Variants in CCDC3 observed in about 807,000 individuals in gnomAD.
The protein encoded by CCDC3 is coiled-coil domain-containing protein 3.
CCDC3 carries 24 observed loss-of-function variants against 21.4 expected under a neutral mutation model. The ratio of observed to expected loss-of-function variants is 1.12; its 90% CI spans 0.81 to 1.58. The LOEUF is 1.58. Ranked by LOEUF, CCDC3 falls within the 40% of genes most tolerant of loss-of-function variation. The pLI, the probability that CCDC3 is intolerant of heterozygous loss-of-function variation, is 0.00. For missense variants in CCDC3, 425 were observed against 360.9 expected (o/e 1.18, Z -1.44); for synonymous variants, 186 against 166.0 (o/e 1.12, Z -0.93).
intron 2 of CCDC3, among the ~76,000 whole-genome samples, chr10:12,913,371 C>G (rs2131206490): frequency 6.6e-6 from 1 of 152,246 alleles, no homozygotes; most frequent in African/African-American, 2.4e-5. Flanking sequence ...TTATTGATTT[C>G]TTTTCCAGAT....
chr10:12,999,419 AAAAG>A (rs1835813188), intron 1 of CCDC3, among the ~76,000 whole-genome samples: 1 of 152,228 alleles, frequency 6.6e-6, no homozygotes, highest in Non-Finnish European at 1.5e-5. Context: ...AAATGTCACA[AAAAG>A]AAAGAGATGA....
At chr10:12,918,746 C>T (rs1165836919) in intron 2 of CCDC3, among the ~76,000 whole-genome samples, 3 of 152,002 alleles carry the variant, frequency 2.0e-5, no homozygotes, top group African/African-American at 4.8e-5. Context: ...CATACATTAT[C>T]GAGTAGAAAA....
intron 5 of CCDC3, among the ~76,000 whole-genome samples, chr10:13,027,616 C>T (rs183665080): frequency 4.0e-5 from 6 of 150,504 alleles, no homozygotes; most frequent in Non-Finnish European, 7.4e-5. Flanking sequence ...GAGGCTGAGG[C>T]GGGAGGATTG....
chr10:12,968,995 T>A (rs925210919), intron 2 of CCDC3, among the ~76,000 whole-genome samples: 70 of 152,164 alleles, frequency 4.6e-4, no homozygotes, highest in African/African-American at 1.5e-3. Flanking sequence ...AGTACATCCT[T>A]ACCTATCAAT....
intron 2 of CCDC3, among the ~76,000 whole-genome samples, chr10:12,906,418 GTTTCC>G (rs1404620516): frequency 5.3e-4 from 80 of 152,320 alleles, no homozygotes; most frequent in Non-Finnish European, 2.1e-4. Context: ...TGGGGCAGGA[GTTTCC>G]TTTCCATGAG....
intron 2 of CCDC3, among the ~76,000 whole-genome samples, chr10:12,900,839 G>A (rs1263509926): frequency 6.6e-6 from 1 of 152,128 alleles, no homozygotes; most frequent in Admixed American, 6.5e-5. Flanking sequence ...GAGACCTTGG[G>A]CAAGCTTCCT....
intron 5 of CCDC3, among the ~76,000 whole-genome samples, chr10:13,014,694 T>C (rs1564320566): frequency 6.6e-6 from 1 of 152,028 alleles, no homozygotes. Context: ...GAGTATCCTA[T>C]AGCGGTTTGT....
chr10:13,075,852 C>G (rs1195635046), intron 3 of CCDC3, among the ~76,000 whole-genome samples: 1 of 152,044 alleles, frequency 6.6e-6, no homozygotes, highest in Non-Finnish European at 1.5e-5. Flanking sequence ...AGTTTGAGAC[C>G]AGCCTGGCCA....
intron 4 of CCDC3, among the ~76,000 whole-genome samples, chr10:13,056,764 G>A (rs1471494127): frequency 3.3e-5 from 5 of 152,200 alleles, no homozygotes; most frequent in Non-Finnish European, 7.3e-5. Flanking sequence ...ATTTTCATCG[G>A]TTTGGTAACC....
intron 2 of CCDC3, among the ~76,000 whole-genome samples, chr10:12,955,441 C>A (rs1835068512): frequency 6.6e-6 from 1 of 152,220 alleles, no homozygotes; most frequent in South Asian, 2.1e-4. Context: ...CATTTCCAGG[C>A]CTGCCCACAG....
At chr10:12,957,589 C>T (rs943078083) in intron 2 of CCDC3, among the ~76,000 whole-genome samples, 1 of 152,196 alleles carries the variant, frequency 6.6e-6, no homozygotes, top group Non-Finnish European at 1.5e-5. Context: ...GGATTTTTCA[C>T]AAATGGCTTC....
intron 2 of CCDC3, among the ~76,000 whole-genome samples, chr10:12,996,950 T>A (rs1184777079): frequency 6.6e-6 from 1 of 151,934 alleles, no homozygotes; most frequent in African/African-American, 2.4e-5. Context: ...AGGGTGAGGA[T>A]GGAAAAACTA....
chr10:13,081,700 A>T (rs556630218), intron 3 of CCDC3, among the ~76,000 whole-genome samples: 320 of 152,360 alleles, frequency 2.1e-3, no homozygotes, highest in African/African-American at 7.1e-3. Context: ...CAATGACAAG[A>T]CCAAAGTCTC....
intron 4 of CCDC3, among the ~76,000 whole-genome samples, chr10:13,060,396 C>T (rs1836741109): frequency 6.6e-6 from 1 of 152,052 alleles, no homozygotes; most frequent in South Asian, 2.1e-4. Flanking sequence ...GGGATGTGGG[C>T]TGGAGAGGAG....
At chr10:12,927,504 T>C (rs578006626) in intron 2 of CCDC3, among the ~76,000 whole-genome samples, 37 of 151,554 alleles carry the variant, frequency 2.4e-4, no homozygotes, top group Non-Finnish European at 3.7e-4. Flanking sequence ...AAAGCTCTAG[T>C]CTCTTTTACA....
chr10:13,058,010 A>T (rs916682200), intron 4 of CCDC3: 13 of 715,166 alleles, frequency 1.8e-5, no homozygotes, highest in Non-Finnish European at 3.1e-5. Flanking sequence ...ATATTGAAAG[A>T]ACTGTTTCTT....
In CCDC3 at chr10:12,978,550, CAGAGAGAG is replaced by C. The variant is rs10578839; in HGVS notation, c.549+19780_549+19787del. Reference sequence around the variant, plus strand: ...ATCTGCGGGTCCTGGAGAATGGAACCAGAGAGAGAGAGAGAGAGAGAGATAAGGCCAGA... The same window carrying C: ...ATCTGCGGGTCCTGGAGAATGGAACCAGAGAGAGAGAGAGATAAGGCCAGA... On this transcript the variant is annotated intron_variant, in intron 2 of 2. Coordinates refer to ENST00000378825, the MANE Select transcript of CCDC3 (RefSeq NM_031455.4). Among the ~76,000 whole-genome samples the C allele has an allele frequency of 4.7e-5, 7 of 149,480 alleles. No homozygotes were observed. The East Asian group carries it at 7.9e-4, about 17-fold the overall frequency.
chr10:12,918,501 C>T (rs1194450081), intron 2 of CCDC3, among the ~76,000 whole-genome samples: 1 of 152,130 alleles, frequency 6.6e-6, no homozygotes, highest in Non-Finnish European at 1.5e-5. Context: ...ATCAGGGAAC[C>T]AAAGCCATAA....
chr10:12,983,173 TAA>T (rs1835533524), intron 2 of CCDC3, among the ~76,000 whole-genome samples: 1 of 140,736 alleles, frequency 7.1e-6, no homozygotes, highest in Non-Finnish European at 1.5e-5. Flanking sequence ...TATATATATA[TAA>T]AATCTATAGC....
Sources: allele counts gnomAD v4.1 joint callset (sites outside exome capture counted in the v4.1 genomes callset), GRCh38; gene constraint gnomAD v4.1.1; transcripts MANE v1.5; gene names NCBI Gene and HGNC (gene_info 2026-07-23, HGNC 2026-07-21).